The following ANKRD31 variants were observed in gnomAD, a reference collection of about 807,000 sequenced individuals.
ANKRD31 encodes the protein ankyrin repeat domain-containing protein 31.
ANKRD31 carries 147 observed loss-of-function variants against 186.0 expected under a neutral mutation model. The observed-to-expected ratio is 0.79, with a 90% CI of 0.69 to 0.91. ANKRD31 has a LOEUF of 0.91. ANKRD31 is among the 40% of genes least tolerant of loss of function. The pLI, the probability that ANKRD31 is intolerant of heterozygous loss-of-function variation, is 0.00. For synonymous variants in ANKRD31, 673 were observed against 736.4 expected (o/e 0.91, Z 1.39); for missense variants, 1,986 against 2,148.8 (o/e 0.92, Z 1.50).
rs374612107 is a variant in ANKRD31 at position 75,171,272 on chromosome 5, C to A, written c.1565-2151G>T. Among the ~76,000 whole-genome samples the A allele has an allele frequency of 3.7e-4, 56 of 152,016 alleles. 2 individuals carry two copies. The South Asian group carries it at 0.011, about 31-fold the overall frequency. On this transcript the variant is annotated intron_variant, in intron 10 of 25. Coordinates refer to ENST00000506364, the MANE Select transcript of ANKRD31 (RefSeq NM_001372053.1). ...AGGTCAAAATCATGTAAAATGTATC[C>A]TTTATGTTCTTTTTAGTCAAATTAG...
chr5:75,146,818 G>A lies in ANKRD31; in HGVS notation c.2593C>T (p.His865Tyr). 6.5e-7 allele frequency: 1 copy of A among 1,536,126 alleles called. No homozygotes were observed. The highest frequency in any genetic ancestry group is 2.0e-5 in the Admixed American group (1 of 50,896). The change falls in exon 14 of 26, where the codon CAT (histidine) becomes TAT (tyrosine). Residue 865 changes from histidine to tyrosine, a missense_variant. By Grantham distance (83) the His-to-Tyr change is moderately conservative. Transcript: ENST00000506364. ...KQPHTLQEQH[H>Y]VLYKSHENSN... is the part of the protein sequence containing the mutation. ...TTTTCATGAGATTTATAAAGTACAT[G>A]GTGTTGTTCCTGGAGAGTGTGAGGC...
chr5:75,137,510 G>A (rs1750683553), intron 17 of ANKRD31, among the ~76,000 whole-genome samples: 1 of 152,000 alleles, frequency 6.6e-6, no homozygotes, highest in African/African-American at 2.4e-5. Context: ...AAAAAATCTA[G>A]CTGTCACACA....
chr5:75,077,931 C>CAAAAAAA (rs56910458), intron 25 of ANKRD31, among the ~76,000 whole-genome samples: 3 of 66,702 alleles, frequency 4.5e-5, no homozygotes, highest in Non-Finnish European at 6.0e-5. Flanking sequence ...GACTCCGTCT[C>CAAAAAAA]AAAAAAAAAA....
intron 22 of ANKRD31, among the ~76,000 whole-genome samples, chr5:75,101,887 C>T (rs186837887): frequency 9.2e-5 from 14 of 152,290 alleles, no homozygotes; most frequent in South Asian, 2.1e-4. Context: ...TCCTTTAGCT[C>T]GGAGAAGTCT....
chr5:75,108,074 T>A (rs1747477152), intron 20 of ANKRD31, among the ~76,000 whole-genome samples: 1 of 152,020 alleles, frequency 6.6e-6, no homozygotes, highest in African/African-American at 2.4e-5. Context: ...CACTGCTTCT[T>A]CTCTAATTTA....
At chr5:75,068,834 T>A (rs1027962671) in intron 25 of ANKRD31, among the ~76,000 whole-genome samples, 170 bp from the exon 26 acceptor site, 1 of 152,190 alleles carries the variant, frequency 6.6e-6, no homozygotes, top group Non-Finnish European at 1.5e-5. Flanking sequence ...GACAAAGCTA[T>A]GAACCAGCAT....
chr5:75,152,883 A>C (rs1751933187), intron 12 of ANKRD31, among the ~76,000 whole-genome samples: 1 of 151,980 alleles, frequency 6.6e-6, no homozygotes, highest in Admixed American at 6.6e-5. Flanking sequence ...ATTTTTGTGA[A>C]TCTATGGATA....
intron 3 of ANKRD31, among the ~76,000 whole-genome samples, chr5:75,220,173 C>G (rs1013266629): frequency 2.0e-5 from 3 of 152,110 alleles, no homozygotes; most frequent in African/African-American, 7.2e-5. Context: ...TTCTGCACAG[C>G]AAAAGAAACT....
At chr5:75,231,133 G>A (rs1757928397) in intron 1 of ANKRD31, among the ~76,000 whole-genome samples, 1 of 152,146 alleles carries the variant, frequency 6.6e-6, no homozygotes, top group South Asian at 2.1e-4. Context: ...CTGTAGTGCA[G>A]TGGCATGAAC....
chr5:75,192,893 T>G (rs1391615600), intron 8 of ANKRD31, 117 bp from the exon 9 acceptor site: 13 of 785,744 alleles, frequency 1.7e-5, no homozygotes, highest in Non-Finnish European at 2.5e-5. Context: ...TGAGCTGTTC[T>G]CAAGTGGCGT....
chr5:75,231,543 CTAAAA>C (rs1295675521), intron 1 of ANKRD31, among the ~76,000 whole-genome samples: 1 of 151,928 alleles, frequency 6.6e-6, no homozygotes, highest in Non-Finnish European at 1.5e-5. Context: ...ATTAGGCAAA[CTAAAA>C]TATTTATCTT....
chr5:75,115,038 T>C (rs1004568156), intron 19 of ANKRD31, among the ~76,000 whole-genome samples: 11 of 152,058 alleles, frequency 7.2e-5, no homozygotes, highest in Non-Finnish European at 1.3e-4. Context: ...CAAAACAGCA[T>C]GGTATTGGTA....
In ANKRD31 at chr5:75,161,609, C is replaced by T. The variant is rs1454854779; in HGVS notation, c.1708-7264G>A. Among the ~76,000 whole-genome samples the T allele has an allele frequency of 2.6e-5, 4 of 152,284 alleles. No individual in the cohort carries two copies. In the South Asian group the frequency reaches 6.2e-4, roughly 24 times the overall value. Reference sequence around the variant, plus strand: ...AACAGCTGAATGTTAATCCCCAAGACAATAGGGAATATGTCCCCAGGGCAT... The same window carrying T: ...AACAGCTGAATGTTAATCCCCAAGATAATAGGGAATATGTCCCCAGGGCAT... On this transcript the variant is annotated intron_variant, in intron 11 of 25. Transcript: ENST00000506364.
At chr5:75,235,784 T>C (rs1758233487) in intron 1 of ANKRD31, among the ~76,000 whole-genome samples, 1 of 152,186 alleles carries the variant, frequency 6.6e-6, no homozygotes, top group African/African-American at 2.4e-5. Context: ...ATCCCCCTTT[T>C]TTCTCTCTTT....
At chr5:75,068,834 T>C (rs1027962671) in intron 25 of ANKRD31, among the ~76,000 whole-genome samples, 170 bp from the exon 26 acceptor site, 4 of 152,190 alleles carry the variant, frequency 2.6e-5, no homozygotes, top group Admixed American at 2.0e-4. Context: ...GACAAAGCTA[T>C]GAACCAGCAT....
chr5:75,220,534 C>T (rs193015899), intron 3 of ANKRD31, among the ~76,000 whole-genome samples: 14 of 151,598 alleles, frequency 9.2e-5, no homozygotes, highest in South Asian at 4.2e-4. Flanking sequence ...TCCAGCTACT[C>T]GGGAGGCTGA....
At chr5:75,224,876 C>T (rs1757542826) in intron 2 of ANKRD31, among the ~76,000 whole-genome samples, 1 of 151,978 alleles carries the variant, frequency 6.6e-6, no homozygotes, top group South Asian at 2.1e-4. Context: ...TAAAACTATT[C>T]ACAATATATA....
At position 75,236,735 on chromosome 5, in the gene ANKRD31, G is replaced by C. The variant is rs1758298319; in HGVS notation, c.-49C>G. 1 of 1,427,816 alleles carries C rather than the reference G, an allele frequency of 7.0e-7. No individual in the cohort carries two copies. Among genetic ancestry groups the C allele is most frequent in the Non-Finnish European group, 9.4e-7 (1 of 1,068,432 alleles). 88.4% of individuals were successfully genotyped at this position (1,427,816 alleles called of 1,614,324 possible). On this transcript the variant is annotated 5_prime_UTR_variant, in exon 1 of 26. Coordinates refer to ENST00000506364, the MANE Select transcript of ANKRD31 (RefSeq NM_001372053.1). The stretch of plus-strand genomic sequence containing the variant: ...TTTTACCCTCCTCTAACTCCCTCTT[G>C]CCCGCAAACAAAAAAACGCTTTGAG...
chr5:75,142,627 T>C (rs959295907), intron 15 of ANKRD31, among the ~76,000 whole-genome samples: 2 of 152,166 alleles, frequency 1.3e-5, no homozygotes, highest in African/African-American at 4.8e-5. Context: ...CAAATACTTG[T>C]CGATTCTTGA....
Sources: allele counts gnomAD v4.1 joint callset (sites outside exome capture counted in the v4.1 genomes callset), GRCh38; gene constraint gnomAD v4.1.1; transcripts MANE v1.5; gene names NCBI Gene and HGNC (gene_info 2026-07-23, HGNC 2026-07-21).